Variants in RYR1 observed in about 807,000 individuals in gnomAD.
The protein encoded by RYR1 is ryanodine receptor 1, also known as central core disease of muscle.
RYR1 carries 342 observed loss-of-function variants against 583.5 expected under a neutral mutation model. The ratio of observed to expected loss-of-function variants is 0.59; its 90% CI spans 0.54 to 0.64. RYR1 has a LOEUF of 0.64. RYR1 is among the 30% of genes least tolerant of loss of function. The probability of loss-of-function intolerance (pLI) is 0.00; values close to 1 mark genes in which losing one functional copy is unlikely to be tolerated. For synonymous variants in RYR1, 2,791 were observed against 2,822.5 expected, an observed-to-expected ratio of 0.99 and a Z score of 0.35; for missense variants, 6,032 against 6,917.2, an observed-to-expected ratio of 0.87 and a Z score of 4.54.
In RYR1 at chr19:38,565,112, G is replaced by C; in HGVS notation, c.12778G>C (p.Asp4260His). 1 of 1,541,550 alleles carries C rather than the reference G, an allele frequency of 6.5e-7. No homozygotes were observed. The highest frequency in any genetic ancestry group is 8.7e-7 in the Non-Finnish European group (1 of 1,147,472). The change falls in exon 91 of 106, where the codon GAC (aspartate) becomes CAC (histidine). Residue 4260 changes from aspartate (D) to histidine (H), a missense_variant. Transcript: ENST00000359596. The surrounding 1 kb of genome is among the most constrained non-coding windows in gnomAD (Gnocchi z 4.7). ...GGAGCCCGAGGGCGAGCCGGAGACCGACGAGGACGAGGGCGCGGGCGCGGC... is the reference window on the plus strand; with the variant it reads ...GGAGCCCGAGGGCGAGCCGGAGACCCACGAGGACGAGGGCGCGGGCGCGGC... ...ISEPEGEPET[D>H]EDEGAGAAEA...
intron 57 of RYR1, among the ~76,000 whole-genome samples, chr19:38,507,499 T>G (rs1600855650): frequency 1.0e-5 from 1 of 100,106 alleles, no homozygotes; most frequent in Non-Finnish European, 2.0e-5. Context: ...GGGAGGAGGC[T>G]GAGAGGGGCC....
Position 38,507,828 on chromosome 19 carries a change from G to T in RYR1, c.8932+1G>T. 6.2e-7 allele frequency: 1 copy of T among 1,602,666 alleles called. No homozygotes were observed. Among genetic ancestry groups the T allele is most frequent in the African/African-American group, 1.4e-5 (1 of 73,390 alleles). On this transcript the variant is annotated splice_donor_variant, in intron 58 of 105. Coordinates refer to ENST00000359596, the MANE Select transcript of RYR1 (RefSeq NM_000540.3). LOFTEE classifies it high-confidence loss of function. The stretch of plus-strand genomic sequence containing the variant: ...TCTCAGGAGTTCATTGCCCACCTGG[G>T]TACGGAGAAATACCCCCCGCTTATG...
intron 90 of RYR1, 31 bp from the exon 91 acceptor site, chr19:38,564,928 G>T: frequency 6.4e-7 from 1 of 1,556,588 alleles, no homozygotes. Flanking sequence ...CGCTGACGGC[G>T]CCCTATCCTG....
intron 27 of RYR1, 97 bp downstream of exon 27, chr19:38,469,610 G>C: frequency 8.0e-7 from 1 of 1,251,294 alleles, no homozygotes; most frequent in Non-Finnish European, 1.1e-6. Context: ...TCCATGTTAG[G>C]ACACAAACCA....
intron 104 of RYR1, 71 bp from the exon 105 acceptor site, chr19:38,586,454 C>G: frequency 6.7e-7 from 1 of 1,481,930 alleles, no homozygotes; most frequent in Non-Finnish European, 9.4e-7. Flanking sequence ...GACTTCCTCT[C>G]TACTATAAAT....
chr19:38,454,366 T>C (rs929049752), intron 13 of RYR1, among the ~76,000 whole-genome samples: 1 of 152,252 alleles, frequency 6.6e-6, no homozygotes, highest in African/African-American at 2.4e-5. Flanking sequence ...TTGATTTCAC[T>C]GTTTATAATG....
At chr19:38,536,915 G>C (rs914327556) in intron 83 of RYR1, 148 bp downstream of exon 83, 46 of 772,946 alleles carry the variant, frequency 6.0e-5, no homozygotes, top group Non-Finnish European at 9.9e-5. Flanking sequence ...GCAAAACCTG[G>C]AGATCAGGAG....
intron 67 of RYR1, among the ~76,000 whole-genome samples, chr19:38,520,055 C>T (rs867380039): frequency 3.4e-5 from 5 of 148,536 alleles, no homozygotes; most frequent in East Asian, 2.0e-4. Flanking sequence ...TGCACAACAC[C>T]GTAAGGAATA....
At chr19:38,562,928 G>A (rs535174098) in intron 90 of RYR1, among the ~76,000 whole-genome samples, 11 of 152,138 alleles carry the variant, frequency 7.2e-5, no homozygotes, top group East Asian at 1.9e-4. Context: ...TGTGCCCCTC[G>A]GGGCCCCACT....
At chr19:38,521,037 G>A (rs919777692) in intron 67 of RYR1, among the ~76,000 whole-genome samples, 3 of 152,150 alleles carry the variant, frequency 2.0e-5, no homozygotes, top group African/African-American at 7.2e-5. Context: ...CACTTTGAGA[G>A]ACTGAGGCGG....
chr19:38,514,283 T>TA lies in RYR1; in HGVS notation c.9473-743_9473-742insA, dbSNP rs35053231. On this transcript the variant is annotated intron_variant, in intron 63 of 105. Coordinates refer to ENST00000359596, the MANE Select transcript of RYR1 (RefSeq NM_000540.3). ...CATCTCTAAAAAAATTTTTTTTTAA[T>TA]TTTTTTTTTTTTTTTGAGACAGAGT... Among the ~76,000 whole-genome samples the TA allele has an allele frequency of 1.4e-3, 90 of 64,424 alleles. 1 individual carries two copies. The highest frequency in any genetic ancestry group is 6.9e-3 in the African/African-American group (87 of 12,584). The allele number at this position is 64,424 out of a possible 152,430, so 42.3% of individuals were successfully genotyped here.
intron 90 of RYR1, 24 bp from the exon 91 acceptor site, chr19:38,564,935 C>T: frequency 2.6e-6 from 4 of 1,561,822 alleles, no homozygotes; most frequent in Non-Finnish European, 3.5e-6. Context: ...GGCGCCCTAT[C>T]CTGTCTGCCG....
intron 47 of RYR1, among the ~76,000 whole-genome samples, chr19:38,501,227 T>C (rs1970102260): frequency 6.6e-6 from 1 of 152,148 alleles, no homozygotes; most frequent in Non-Finnish European, 1.5e-5. Context: ...AGGTCAGGCG[T>C]GGTGACTCGC....
At chr19:38,527,309 G>T (rs889782757) in intron 72 of RYR1, among the ~76,000 whole-genome samples, 2 of 152,302 alleles carry the variant, frequency 1.3e-5, no homozygotes, top group Admixed American at 1.3e-4. Context: ...TTAGGAGTTC[G>T]AGACCAGCCT....
intron 92 of RYR1, 27 bp downstream of exon 92, chr19:38,567,014 T>C: frequency 1.3e-6 from 2 of 1,564,094 alleles, no homozygotes; most frequent in Non-Finnish European, 8.7e-7. Context: ...CTGAGGGGCC[T>C]AGCCCCTATC....
rs1287124141 is a variant in RYR1 at position 38,496,950 on chromosome 19, A to G, written c.6887A>G (p.Glu2296Gly). Residue 2296 changes from glutamate to glycine, a missense_variant, in exon 42 of 106, where the codon GAA becomes GGA. Around this residue, in one of 11 missense-constraint regions of RYR1, gnomAD observed 2,627 missense variants for 2,961.3 expected, o/e 0.89. Coordinates refer to ENST00000359596, the MANE Select transcript of RYR1 (RefSeq NM_000540.3). The surrounding 1 kb of genome is among the most constrained non-coding windows in gnomAD (Gnocchi z 4.8). ...TTGGCATTGCAGGAGCAGGACCTGGAAAAGGTGTGGAGGGCAGGGCTGGGC... is the reference window on the plus strand; with the variant it reads ...TTGGCATTGCAGGAGCAGGACCTGGGAAAGGTGTGGAGGGCAGGGCTGGGC... ...LALALQEQDL[E>G]KVVSYLAGCG... 11 of 1,612,338 alleles carry G rather than the reference A, an allele frequency of 6.8e-6. No individual in the cohort carries two copies. Among genetic ancestry groups the G allele is most frequent in the Non-Finnish European group, 9.3e-6 (11 of 1,179,126 alleles).
chr19:38,585,138 G>C (rs758587491), intron 102 of RYR1, 39 bp downstream of exon 102: 6 of 1,606,908 alleles, frequency 3.7e-6, no homozygotes, highest in East Asian at 2.2e-5. Flanking sequence ...CCGGAGGCAG[G>C]CTAGCTCCAT....
chr19:38,515,736 C>T (rs1321289449), intron 64 of RYR1, among the ~76,000 whole-genome samples: 2 of 152,112 alleles, frequency 1.3e-5, no homozygotes, highest in African/African-American at 2.4e-5. Context: ...GCTTGAGCTC[C>T]AGCCTGAGCA....
chr19:38,455,238 A>T lies in RYR1; in HGVS notation c.1444A>T (p.Met482Leu), dbSNP rs372809720. Residue 482 changes from methionine to leucine, a missense_variant, in exon 14 of 106, where the codon ATG (methionine) becomes TTG (leucine). Met to Leu is a conservative substitution (Grantham distance 15). This residue lies in a region of RYR1 where 2,627 missense variants were observed against 2,961.3 expected (regional missense o/e 0.89). Transcript: ENST00000359596. ...CCTCTTATTTTCCTCATCCTAGGGG[A>T]TGCTCTCCATGGTCCTGAATTGCAT... ...NRQSLFQEEG[M>L]LSMVLNCIDR... The T allele has an allele frequency of 6.2e-7, 1 of 1,613,952 alleles. No individual in the cohort carries two copies.
Sources: gnomAD v4.1 joint callset for allele counts (sites outside exome capture counted in the v4.1 genomes callset) on GRCh38, gnomAD v4.1.1 for gene constraint, gnomAD v4.1.1 regional missense constraint, Gnocchi (gnomAD v3.1) non-coding constraint, MANE v1.5 for transcripts, NCBI Gene and HGNC (gene_info 2026-07-23, HGNC 2026-07-21) for gene names.